OR9Q1: variants seen among roughly 807,000 people sequenced by gnomAD.
OR9Q1 encodes the protein olfactory receptor family 9 subfamily Q member 1.
For synonymous variants in OR9Q1, 153 were observed against 148.6 expected (o/e 1.03, Z -0.22); for missense variants, 374 against 378.8 (o/e 0.99, Z 0.11).
chr11:58,158,266 A>G (rs1854425982), intron 2 of OR9Q1, among the ~76,000 whole-genome samples: 2 of 152,154 alleles, frequency 1.3e-5, no homozygotes, highest in Non-Finnish European at 2.9e-5. Flanking sequence ...TCAAGTTCTC[A>G]CCACCAGACT....
At chr11:58,053,614 T>TATATATATATA (rs61420765) in intron 1 of OR9Q1, among the ~76,000 whole-genome samples, 2 of 104,022 alleles carry the variant, frequency 1.9e-5, no homozygotes, top group African/African-American at 6.5e-5. Context: ...AATTAAAAAA[T>TATATATATATA]ATATATATAT....
intron 2 of OR9Q1, among the ~76,000 whole-genome samples, chr11:58,146,631 A>C (rs958817521): frequency 7.9e-5 from 12 of 152,210 alleles, no homozygotes; most frequent in African/African-American, 2.7e-4. Context: ...GAAACAAAAG[A>C]AGCAGCACAG....
Position 58,179,964 on chromosome 11 carries a change from A to G in OR9Q1, c.520A>G (p.Ile174Val), listed in dbSNP as rs754270327. 8.7e-6 allele frequency: 14 copies of G among 1,613,982 alleles called. No homozygotes were observed. The highest frequency in any genetic ancestry group is 1.2e-5 in the Non-Finnish European group (14 of 1,180,014). ...FTLSFCGTSE[I>V]DFIFCDLPPL... Reference sequence around the variant, plus strand: ...TCTCTCCTTCTGTGGAACCAGTGAGATTGACTTTATTTTCTGTGACCTCCC... The same window carrying G: ...TCTCTCCTTCTGTGGAACCAGTGAGGTTGACTTTATTTTCTGTGACCTCCC... Residue 174 changes from isoleucine (I) to valine (V), a missense_variant, in exon 3 of 3, where the codon ATT becomes GTT. By Grantham distance (29) the Ile-to-Val change is conservative. Transcript: ENST00000335397.
At position 58,179,670 on chromosome 11, in the gene OR9Q1, A is replaced by G. The variant is rs1444324551; in HGVS notation, c.226A>G (p.Ile76Val). ...TTTCATGGACGTCTGCTACTCATCT[A>G]TCACTGTCCCCCAGATGCTGGCAGT... ...LAFMDVCYSS[I>V]TVPQMLAVLL... is the part of the protein sequence containing the mutation. Residue 76 changes from isoleucine (I) to valine (V), a missense_variant, in exon 3 of 3, where the codon ATC becomes GTC. Ile to Val is a conservative substitution (Grantham distance 29). Transcript: ENST00000335397. 1.2e-6 allele frequency: 2 copies of G among 1,614,004 alleles called. No individual in the cohort carries two copies. The highest frequency in any genetic ancestry group is 1.7e-5 in the Admixed American group (1 of 60,020).
rs76645785 is a variant in OR9Q1 at position 58,168,145 on chromosome 11, A to G, written c.-14-11286A>G. ...AAACACTCATCTACCCACCATCCAG[A>G]TTTGTCAAATCTTAACATTTTGCTT... is the stretch of plus-strand genomic sequence containing the variant. On this transcript the variant is annotated intron_variant, in intron 2 of 2. Transcript: ENST00000335397. Among the ~76,000 whole-genome samples, 1,052 of 152,298 alleles carry G rather than the reference A, an allele frequency of 6.9e-3. 10 individuals carry two copies. Among genetic ancestry groups the G allele is most frequent in the African/African-American group, 0.019 (772 of 41,554 alleles).
At chr11:58,118,901 G>C (rs1275713740) in intron 2 of OR9Q1, 20 of 1,614,008 alleles carry the variant, frequency 1.2e-5, no homozygotes, top group Non-Finnish European at 1.7e-5. Context: ...AGCAGGGGTG[G>C]GAGGTCACAG....
intron 2 of OR9Q1, among the ~76,000 whole-genome samples, chr11:58,099,545 A>C (rs769519851): frequency 3.2e-4 from 48 of 152,066 alleles, no homozygotes; most frequent in Non-Finnish European, 5.6e-4. Flanking sequence ...TCTTATGCTT[A>C]GTGTTTGTGT....
At chr11:58,085,662 T>G (rs1853627330) in intron 2 of OR9Q1, among the ~76,000 whole-genome samples, 1 of 151,926 alleles carries the variant, frequency 6.6e-6, no homozygotes, top group Non-Finnish European at 1.5e-5. Context: ...TTATTTTTAT[T>G]CTTTTTTAAA....
At chr11:58,109,156 C>G (rs1853872719) in intron 2 of OR9Q1, 1 of 502,044 alleles carries the variant, frequency 2.0e-6, no homozygotes, top group African/African-American at 2.0e-5. Flanking sequence ...ATTGTCACAA[C>G]AGAAGGAGAG....
intron 2 of OR9Q1, among the ~76,000 whole-genome samples, chr11:58,097,080 C>A (rs1471043389): frequency 6.6e-6 from 1 of 152,128 alleles, no homozygotes; most frequent in African/African-American, 2.4e-5. Context: ...CATCTTTAAA[C>A]GATCCTCCAT....
intron 2 of OR9Q1, among the ~76,000 whole-genome samples, chr11:58,104,782 T>G (rs1853824354): frequency 7.9e-5 from 12 of 152,146 alleles, no homozygotes; most frequent in Admixed American, 7.9e-4. Flanking sequence ...GCTCTGGTGA[T>G]TGAGGAGATT....
intron 1 of OR9Q1, chr11:58,031,754 G>T: frequency 6.2e-7 from 1 of 1,614,072 alleles, no homozygotes; most frequent in Non-Finnish European, 8.5e-7. Flanking sequence ...CCAGACCAAG[G>T]TGACCTCCTC....
chr11:58,126,978 T>C (rs552723615), intron 2 of OR9Q1, among the ~76,000 whole-genome samples: 15 of 152,266 alleles, frequency 9.9e-5, no homozygotes, highest in Admixed American at 5.9e-4. Flanking sequence ...TTCACCAGAG[T>C]CTTGCTCTGT....
chr11:58,169,860 T>G (rs1854538671), intron 2 of OR9Q1, among the ~76,000 whole-genome samples: 1 of 152,086 alleles, frequency 6.6e-6, no homozygotes, highest in African/African-American at 2.4e-5. Context: ...TCTTTTTTTT[T>G]TCCTTTGGTT....
chr11:58,098,150 G>A (rs1247481691), intron 2 of OR9Q1, among the ~76,000 whole-genome samples: 1 of 152,102 alleles, frequency 6.6e-6, no homozygotes, highest in African/African-American at 2.4e-5. Context: ...TATAGAACTG[G>A]CATTTCTTCC....
chr11:58,152,817 T>G (rs914939326), intron 2 of OR9Q1, among the ~76,000 whole-genome samples: 2 of 152,240 alleles, frequency 1.3e-5, no homozygotes, highest in Non-Finnish European at 2.9e-5. Context: ...TTTTTAGATT[T>G]GCTACAATTT....
chr11:58,100,641 T>C (rs1035533416), intron 2 of OR9Q1, among the ~76,000 whole-genome samples: 2 of 152,174 alleles, frequency 1.3e-5, no homozygotes, highest in Admixed American at 1.3e-4. Flanking sequence ...TATATTTATA[T>C]TGAATATTTC....
At chr11:58,095,998 A>T (rs1348269198) in intron 2 of OR9Q1, among the ~76,000 whole-genome samples, 1 of 152,200 alleles carries the variant, frequency 6.6e-6, no homozygotes, top group African/African-American at 2.4e-5. Context: ...AATAAAAAAA[A>T]TGAAAAATTT....
intron 2 of OR9Q1, among the ~76,000 whole-genome samples, chr11:58,064,037 C>CA (rs1343630126): frequency 1.3e-5 from 2 of 152,132 alleles, no homozygotes; most frequent in Admixed American, 6.5e-5. Flanking sequence ...GCAGGGCCTC[C>CA]AGGGATTATT....
Sources: gnomAD v4.1 joint callset for allele counts (sites outside exome capture counted in the v4.1 genomes callset) on GRCh38, gnomAD v4.1.1 for gene constraint, MANE v1.5 for transcripts, NCBI Gene and HGNC (gene_info 2026-07-23, HGNC 2026-07-21) for gene names.